The following ZNF350 variants were observed in gnomAD, a reference collection of about 807,000 sequenced individuals.
ZNF350 encodes KRAB zinc finger protein ZFQR.
A neutral mutation model predicts 13.1 loss-of-function variants in ZNF350; 5 were observed. The ratio of observed to expected loss-of-function variants is 0.38; its 90% confidence interval spans 0.20 to 0.80. ZNF350 has a LOEUF of 0.80. ZNF350 is among the 30% of genes least tolerant of loss of function. ZNF350 has a pLI of 0.43. For missense variants in ZNF350, 534 were observed against 644.2 expected (o/e 0.83, Z 1.85); for synonymous variants, 199 against 224.2 (o/e 0.89, Z 1.00).
chr19:51,968,758 C>G, intron 3 of ZNF350, 85 bp from the exon 4 acceptor site: 1 of 1,486,832 alleles, frequency 6.7e-7, no homozygotes, highest in Non-Finnish European at 9.2e-7. Context: ...TTTCAAGAAA[C>G]TTGAGTTTCT....
intron 2 of ZNF350, among the ~76,000 whole-genome samples, chr19:51,969,819 A>G (rs1488874612): frequency 2.0e-5 from 3 of 152,190 alleles, no homozygotes; most frequent in African/African-American, 7.2e-5. Context: ...ACAGAGCAAG[A>G]CTGTCTCTAA....
intron 1 of ZNF350, among the ~76,000 whole-genome samples, chr19:51,975,125 C>T (rs1357022966): frequency 6.6e-6 from 1 of 152,158 alleles, no homozygotes; most frequent in East Asian, 1.9e-4. Flanking sequence ...TGCCAATTAG[C>T]AGAAGAATAT....
chr19:51,967,621 C>T (rs564816335), intron 4 of ZNF350, among the ~76,000 whole-genome samples: 2 of 151,676 alleles, frequency 1.3e-5, no homozygotes, highest in Non-Finnish European at 2.9e-5. Flanking sequence ...CATCAGAATA[C>T]GATGGGGAAA....
At chr19:51,977,640 G>A (rs1170063679) in intron 1 of ZNF350, among the ~76,000 whole-genome samples, 1 of 152,206 alleles carries the variant, frequency 6.6e-6, no homozygotes, top group African/African-American at 2.4e-5. Flanking sequence ...AGGGTTGCAG[G>A]AACCCTATGC....
chr19:51,985,332 A>G (rs989621768), intron 1 of ZNF350, among the ~76,000 whole-genome samples: 1 of 152,210 alleles, frequency 6.6e-6, no homozygotes, highest in Non-Finnish European at 1.5e-5. Flanking sequence ...AGTTGAGCCA[A>G]TGCATTAAGA....
In ZNF350 at chr19:51,966,121, T is replaced by G. The variant is rs2085560970; in HGVS notation, c.332A>C (p.Asn111Thr). Residue 111 changes from asparagine (N) to threonine (T), a missense_variant, in exon 5 of 5, where the codon AAT becomes ACT. By Grantham distance (65) the Asn-to-Thr change is moderately conservative. Transcript: ENST00000243644. The stretch of plus-strand genomic sequence containing the variant: ...CTGACTTTTGCTGCAATGAACAATA[T>G]TTTCAAATGCATCATGTTCATGACA... Reference protein sequence around the residue: ...KPCHEHDAFENIVHCSKSQFL... With the variant: ...KPCHEHDAFETIVHCSKSQFL... The G allele has an allele frequency of 9.3e-6, 15 of 1,613,990 alleles. No individual in the cohort carries two copies. Among genetic ancestry groups the G allele is most frequent in the Non-Finnish European group, 1.3e-5 (15 of 1,180,038 alleles).
intron 1 of ZNF350, among the ~76,000 whole-genome samples, chr19:51,982,749 T>C (rs1269235994): frequency 6.6e-6 from 1 of 152,160 alleles, no homozygotes; most frequent in Non-Finnish European, 1.5e-5. Context: ...ATAAAGCTAC[T>C]TTAATTAGGA....
chr19:51,971,197 C>A (rs1338502576), intron 2 of ZNF350, among the ~76,000 whole-genome samples: 1 of 152,176 alleles, frequency 6.6e-6, no homozygotes, highest in Non-Finnish European at 1.5e-5. Flanking sequence ...ATTACAGAGG[C>A]CAGTGAACAC....
intron 2 of ZNF350, among the ~76,000 whole-genome samples, chr19:51,971,269 G>A (rs2085728982): frequency 6.6e-6 from 1 of 152,178 alleles, no homozygotes; most frequent in South Asian, 2.1e-4. Context: ...TTATTTATGT[G>A]AGATAGCTAT....
chr19:51,968,864 C>T (rs1201331413), intron 3 of ZNF350, 141 bp downstream of exon 3: 8 of 1,550,390 alleles, frequency 5.2e-6, no homozygotes, highest in African/African-American at 1.4e-5. Context: ...GGGTAGATTA[C>T]ACCGTCTTGT....
Position 51,965,102 on chromosome 19 carries a change from T to C in ZNF350, c.1351A>G (p.Met451Val). The C allele has an allele frequency of 6.2e-7, 1 of 1,614,238 alleles. No homozygotes were observed. Among genetic ancestry groups the C allele is most frequent in the African/African-American group, 1.3e-5 (1 of 75,072 alleles). Residue 451 changes from methionine (M) to valine (V), a missense_variant, in exon 5 of 5, where the codon ATG becomes GTG. By Grantham distance (21) the Met-to-Val change is conservative. Coordinates refer to ENST00000243644, the MANE Select transcript of ZNF350 (RefSeq NM_021632.4). ...CCGTTAGCAGAGTTTTTCTCCTGCATGACATCACTGGTGTGTAATGAGCTG... is the reference window on the plus strand; with the variant it reads ...CCGTTAGCAGAGTTTTTCTCCTGCACGACATCACTGGTGTGTAATGAGCTG... ...RHSSLHTSDV[M>V]QEKNSANGAT...
chr19:51,973,555 A>C (rs2085804816), intron 2 of ZNF350: 2 of 152,188 alleles, frequency 1.3e-5, no homozygotes, highest in South Asian at 4.1e-4. Context: ...TTTACTATAC[A>C]ATAAGGACTT....
At chr19:51,975,675 T>C (rs2085873472) in intron 1 of ZNF350, among the ~76,000 whole-genome samples, 2 of 152,224 alleles carry the variant, frequency 1.3e-5, no homozygotes, top group South Asian at 4.1e-4. Flanking sequence ...TTACATTAAA[T>C]ATAAATGCCT....
In ZNF350 at chr19:51,965,524, C is replaced by T. The variant is rs781302955; in HGVS notation, c.929G>A (p.Arg310Gln). The change falls in exon 5 of 5, where the codon CGA becomes CAA. Residue 310 changes from arginine to glutamine, a missense_variant. Coordinates refer to ENST00000243644, the MANE Select transcript of ZNF350 (RefSeq NM_021632.4). ...IQKGNLIVHQ[R>Q]IHTGEKPYIC... ...ATAAGGTTTCTCACCTGTATGAATT[C>T]GCTGGTGTACAATGAGATTTCCTTT... 88 of 1,614,040 alleles carry T rather than the reference C, an allele frequency of 5.5e-5. No homozygotes were observed. Among genetic ancestry groups the T allele is most frequent in the Non-Finnish European group, 6.2e-5 (73 of 1,180,036 alleles).
intron 2 of ZNF350, chr19:51,973,791 C>T (rs2085810806): frequency 6.6e-6 from 1 of 152,278 alleles, no homozygotes; most frequent in African/African-American, 2.4e-5. Context: ...CTGAAATTAA[C>T]TTGTGTTGGT....
intron 1 of ZNF350, chr19:51,981,083 C>T (rs969128551): frequency 1.3e-5 from 2 of 152,190 alleles, no homozygotes; most frequent in East Asian, 3.9e-4. Context: ...GCTATATGAT[C>T]AAACAGCAAA....
intron 4 of ZNF350, among the ~76,000 whole-genome samples, chr19:51,967,582 A>G (rs1398886354): frequency 6.6e-6 from 1 of 152,220 alleles, no homozygotes; most frequent in African/African-American, 2.4e-5. Flanking sequence ...GAAATTTGAC[A>G]GGTAACATGG....
rs1568482920 is a variant in ZNF350 at position 51,974,381 on chromosome 19, C to G, written c.-21G>C. On this transcript the variant is annotated 5_prime_UTR_variant, in exon 2 of 5. Coordinates refer to ENST00000243644, the MANE Select transcript of ZNF350 (RefSeq NM_021632.4). ...ATCATTTTCTTCTGTTCTTGGAAGACAGCATTCAACTGGGATGGTCTGTCT... is the reference window on the plus strand; with the variant it reads ...ATCATTTTCTTCTGTTCTTGGAAGAGAGCATTCAACTGGGATGGTCTGTCT... 2 of 1,613,692 alleles carry G rather than the reference C, an allele frequency of 1.2e-6. No homozygotes were observed. The highest frequency in any genetic ancestry group is 4.5e-5 in the East Asian group (2 of 44,870).
chr19:51,980,307 G>A (rs973433795), intron 1 of ZNF350, among the ~76,000 whole-genome samples: 28 of 152,274 alleles, frequency 1.8e-4, no homozygotes, highest in African/African-American at 6.7e-4. Context: ...TGCCACACCT[G>A]CTTTGCATTT....
Sources: allele counts gnomAD v4.1 joint callset (sites outside exome capture counted in the v4.1 genomes callset), GRCh38; gene constraint gnomAD v4.1.1; transcripts MANE v1.5; gene names NCBI Gene and HGNC (gene_info 2026-07-23, HGNC 2026-07-21).